The following ARHGAP26 variants were observed in gnomAD, a reference collection of about 807,000 sequenced individuals.
ARHGAP26 encodes rho GTPase-activating protein 26.
In ARHGAP26, 38 loss-of-function variants were observed where a neutral mutation model predicts 104.8. That is an observed-to-expected ratio of 0.36 (90% CI 0.28 to 0.48). ARHGAP26 has a LOEUF of 0.48. Ranked by LOEUF, ARHGAP26 falls within the 20% of genes least tolerant of loss-of-function variation. ARHGAP26 has a pLI of 0.99. For missense variants in ARHGAP26, 704 were observed against 947.9 expected (o/e 0.74, Z 3.38); for synonymous variants, 341 against 340.0 (o/e 1.00, Z -0.03).
intron 1 of ARHGAP26, among the ~76,000 whole-genome samples, chr5:142,793,347 A>G (rs1442757410): frequency 6.9e-6 from 1 of 145,970 alleles, no homozygotes; most frequent in Non-Finnish European, 1.5e-5. Context: ...AGTTTGAAAT[A>G]CTGATGGTGA....
At chr5:143,135,948 T>A (rs1247422320) in intron 19 of ARHGAP26, among the ~76,000 whole-genome samples, 1 of 152,216 alleles carries the variant, frequency 6.6e-6, no homozygotes, top group African/African-American at 2.4e-5. Context: ...GGAACAGAAC[T>A]GGCCTCACTC....
intron 17 of ARHGAP26, 37 bp downstream of exon 17, chr5:143,057,784 C>A (rs756291112): frequency 1.8e-5 from 27 of 1,542,342 alleles, no homozygotes; most frequent in Non-Finnish European, 2.2e-5. Flanking sequence ...TTTTCTTACC[C>A]CTGAAAGTTC....
intron 16 of ARHGAP26, among the ~76,000 whole-genome samples, chr5:143,056,316 C>CTTTTTTT (rs10672936): frequency 1.2e-5 from 1 of 80,068 alleles, no homozygotes; most frequent in Non-Finnish European, 2.4e-5. Flanking sequence ...CTTCAGAAGT[C>CTTTTTTT]TTTTTTTTTT....
chr5:142,827,928 CTGT>C (rs1767614692), intron 1 of ARHGAP26, among the ~76,000 whole-genome samples: 1 of 152,100 alleles, frequency 6.6e-6, no homozygotes, highest in Non-Finnish European at 1.5e-5. Flanking sequence ...TTTTTAAATA[CTGT>C]TGTTTATGCT....
intron 12 of ARHGAP26, among the ~76,000 whole-genome samples, chr5:143,029,646 C>A (rs768301415): frequency 2.0e-5 from 3 of 151,926 alleles, no homozygotes; most frequent in Non-Finnish European, 4.4e-5. Context: ...TGGCTTCAGG[C>A]GATCTTCTCG....
intron 1 of ARHGAP26, among the ~76,000 whole-genome samples, chr5:142,816,899 G>A (rs1223362535): frequency 2.0e-5 from 3 of 152,124 alleles, no homozygotes; most frequent in Non-Finnish European, 4.4e-5. Flanking sequence ...CAGGAGCAGC[G>A]GGAGGGGGAG....
intron 20 of ARHGAP26, among the ~76,000 whole-genome samples, chr5:143,147,833 G>A (rs900233510): frequency 3.3e-5 from 5 of 152,142 alleles, no homozygotes; most frequent in Admixed American, 6.5e-5. Flanking sequence ...GAGCCCCCAG[G>A]AGCCCTTTGT....
At chr5:143,215,624 T>TA (rs1810222411) in intron 22 of ARHGAP26, among the ~76,000 whole-genome samples, 1 of 152,168 alleles carries the variant, frequency 6.6e-6, no homozygotes, top group Admixed American at 6.5e-5. Flanking sequence ...ATGCCCCACT[T>TA]ACCACAACCC....
chr5:143,170,868 C>T lies in ARHGAP26; in HGVS notation c.1988+23487C>T, dbSNP rs7724961. On this transcript the variant is annotated intron_variant, in intron 20 of 22. Coordinates refer to ENST00000645722, the MANE Select transcript of ARHGAP26 (RefSeq NM_001135608.3). ...TGTTGGGAAAGAGACTGAAGCAGCC[C>T]AGTCATGTTTCTTCTTTTTCTTGCC... 2.2e-3 allele frequency among the ~76,000 whole-genome samples: 329 copies of T among 152,154 alleles called. 1 individual carries two copies. The highest frequency in any genetic ancestry group is 7.6e-3 in the African/African-American group (315 of 41,508).
intron 19 of ARHGAP26, among the ~76,000 whole-genome samples, chr5:143,136,403 C>T (rs1172407734): frequency 6.6e-6 from 1 of 152,118 alleles, no homozygotes; most frequent in Non-Finnish European, 1.5e-5. Flanking sequence ...AGGAAATGCT[C>T]CCTGGAAACA....
intron 1 of ARHGAP26, among the ~76,000 whole-genome samples, chr5:142,796,943 G>T (rs1389035460): frequency 2.6e-5 from 4 of 152,196 alleles, no homozygotes; most frequent in Non-Finnish European, 1.5e-5. Flanking sequence ...CGTTTCCACT[G>T]GGAAGCTCAC....
At chr5:142,927,330 C>CA (rs35376912) in intron 10 of ARHGAP26, among the ~76,000 whole-genome samples, 1,807 of 134,478 alleles carry the variant, frequency 0.013, 23 homozygotes, top group East Asian at 0.045. Flanking sequence ...TATCTCTTTT[C>CA]AAAAAAAAAA....
At chr5:143,114,690 G>C (rs1795196919) in intron 17 of ARHGAP26, among the ~76,000 whole-genome samples, 1 of 152,282 alleles carries the variant, frequency 6.6e-6, no homozygotes, top group African/African-American at 2.4e-5. Flanking sequence ...GCCTACCCCA[G>C]CACCTGCCTG....
intron 9 of ARHGAP26, chr5:142,908,914 C>T (rs912968687): frequency 2.4e-5 from 4 of 167,110 alleles, no homozygotes; most frequent in African/African-American, 9.6e-5. Context: ...CCACAGCAGG[C>T]CACATGCATT....
intron 1 of ARHGAP26, among the ~76,000 whole-genome samples, chr5:142,824,454 G>A (rs548830450): frequency 6.6e-6 from 1 of 152,328 alleles, no homozygotes; most frequent in South Asian, 2.1e-4. Flanking sequence ...ACATCCCACA[G>A]GCAAGGCTGC....
intron 20 of ARHGAP26, among the ~76,000 whole-genome samples, chr5:143,185,728 T>C (rs527625618): frequency 6.6e-6 from 1 of 152,324 alleles, no homozygotes; most frequent in South Asian, 2.1e-4. Context: ...TGATGTATGT[T>C]AACTCCTGCA....
chr5:143,035,286 G>A (rs1782445884), intron 12 of ARHGAP26, among the ~76,000 whole-genome samples: 1 of 152,116 alleles, frequency 6.6e-6, no homozygotes, highest in Non-Finnish European at 1.5e-5. Flanking sequence ...CGTGGAACCA[G>A]CCCAAATGCC....
At chr5:143,123,783 G>A (rs894302719) in intron 18 of ARHGAP26, among the ~76,000 whole-genome samples, 2 of 152,188 alleles carry the variant, frequency 1.3e-5, no homozygotes, top group Non-Finnish European at 1.5e-5. Context: ...TTGAGCCCAG[G>A]AGTTCAAGGT....
chr5:142,914,206 T>C (rs918030446), intron 10 of ARHGAP26, among the ~76,000 whole-genome samples: 1 of 152,226 alleles, frequency 6.6e-6, no homozygotes, highest in Non-Finnish European at 1.5e-5. Context: ...TGCACTGCCT[T>C]CTTCTGGCAG....
Sources: gnomAD v4.1 joint callset for allele counts (sites outside exome capture counted in the v4.1 genomes callset) on GRCh38, gnomAD v4.1.1 for gene constraint, MANE v1.5 for transcripts, NCBI Gene and HGNC (gene_info 2026-07-23, HGNC 2026-07-21) for gene names.